Variants in SLC35F1 observed in about 807,000 individuals in gnomAD.
The protein encoded by SLC35F1 is chromosome 6 open reading frame 169.
A neutral mutation model predicts 48.7 loss-of-function variants in SLC35F1; 14 were observed. The observed-to-expected ratio is 0.29, with a 90% CI of 0.19 to 0.45. The LOEUF is 0.45. SLC35F1 is among the 20% of genes least tolerant of loss of function. SLC35F1 has a pLI of 1.00. For missense variants in SLC35F1, 404 were observed against 500.0 expected, an observed-to-expected ratio of 0.81 and a Z score of 1.83; for synonymous variants, 190 against 202.2, an observed-to-expected ratio of 0.94 and a Z score of 0.51.
intron 1 of SLC35F1, among the ~76,000 whole-genome samples, chr6:117,967,469 C>T (rs910074021): frequency 3.3e-5 from 5 of 152,136 alleles, no homozygotes; most frequent in African/African-American, 9.7e-5. Flanking sequence ...TTCCTACTGA[C>T]GCTTGTGTCC....
intron 1 of SLC35F1, among the ~76,000 whole-genome samples, chr6:118,138,192 C>A (rs1480044853): frequency 6.6e-6 from 1 of 151,858 alleles, no homozygotes; most frequent in Non-Finnish European, 1.5e-5. Context: ...GCCTGTAGTC[C>A]CACCTACTCA....
rs1237564305 is a variant in SLC35F1, at chr6:118,088,101, AC to A, written c.174-66343del. Among the ~76,000 whole-genome samples the A allele has an allele frequency of 3.9e-5, 6 of 152,210 alleles. No homozygotes were observed. The East Asian group carries it at 1.2e-3, about 29-fold the overall frequency. On this transcript the variant is annotated intron_variant, in intron 1 of 7. Transcript: ENST00000360388. ...TAATCACTGAGTTACTTTAATAGTTACTTTTAATGGTTACTTTAATAGTTAC... is the reference window on the plus strand; with the variant it reads ...TAATCACTGAGTTACTTTAATAGTTATTTTAATGGTTACTTTAATAGTTAC...
At chr6:118,141,580 T>C (rs1739473291) in intron 1 of SLC35F1, among the ~76,000 whole-genome samples, 2 of 152,264 alleles carry the variant, frequency 1.3e-5, no homozygotes, top group Middle Eastern at 3.4e-3. Context: ...CCCTTCCTGG[T>C]TGCAGACTGC....
intron 1 of SLC35F1, among the ~76,000 whole-genome samples, chr6:118,065,255 A>C (rs1772596136): frequency 6.6e-6 from 1 of 152,208 alleles, no homozygotes; most frequent in African/African-American, 2.4e-5. Context: ...ACATGAACTC[A>C]TATCCAATAA....
intron 1 of SLC35F1, among the ~76,000 whole-genome samples, chr6:117,973,158 G>T (rs1404540533): frequency 1.3e-5 from 2 of 152,184 alleles, no homozygotes; most frequent in Non-Finnish European, 2.9e-5. Context: ...TCCTTGGCTT[G>T]CAGATGGCCA....
chr6:117,977,189 T>TTTTC (rs1776716002), intron 1 of SLC35F1, among the ~76,000 whole-genome samples: 1 of 149,972 alleles, frequency 6.7e-6, no homozygotes, highest in South Asian at 2.1e-4. Flanking sequence ...TTCTTTTTCT[T>TTTTC]TTTCTTTCTT....
chr6:118,071,560 TCTTTCTTTTCCCC>T (rs1342836108), intron 1 of SLC35F1, among the ~76,000 whole-genome samples: 1 of 152,094 alleles, frequency 6.6e-6, no homozygotes, highest in African/African-American at 2.4e-5. Context: ...GACTCTTTTA[TCTTTCTTTTCCCC>T]TTGTGTGGTT....
chr6:118,015,170 G>A (rs998110026), intron 1 of SLC35F1, among the ~76,000 whole-genome samples: 1 of 152,168 alleles, frequency 6.6e-6, no homozygotes, highest in Non-Finnish European at 1.5e-5. Flanking sequence ...ATGTGGAACT[G>A]TGAGTTCATT....
At chr6:118,263,278 A>G (rs796076933) in intron 3 of SLC35F1, among the ~76,000 whole-genome samples, 12 of 151,602 alleles carry the variant, frequency 7.9e-5, no homozygotes, top group African/African-American at 2.9e-4. Context: ...CTGGTCTCGA[A>G]CTCCTGACCT....
At chr6:117,977,910 C>T (rs1776725493) in intron 1 of SLC35F1, among the ~76,000 whole-genome samples, 1 of 151,706 alleles carries the variant, frequency 6.6e-6, no homozygotes, top group Non-Finnish European at 1.5e-5. Flanking sequence ...TAATGGATTT[C>T]CAGAAGAAAC....
intron 1 of SLC35F1, among the ~76,000 whole-genome samples, chr6:118,006,262 T>C (rs1777173366): frequency 6.6e-6 from 1 of 152,108 alleles, no homozygotes; most frequent in Non-Finnish European, 1.5e-5. Flanking sequence ...ACTACAAATG[T>C]CTGAAAAAAT....
intron 7 of SLC35F1, among the ~76,000 whole-genome samples, chr6:118,297,775 T>C (rs1776210337): frequency 1.5e-5 from 2 of 133,288 alleles, no homozygotes; most frequent in East Asian, 4.1e-4. Flanking sequence ...AATATATATA[T>C]ATACACACAT....
intron 2 of SLC35F1, among the ~76,000 whole-genome samples, chr6:118,196,328 A>G (rs1774800337): frequency 6.6e-6 from 1 of 152,216 alleles, no homozygotes; most frequent in African/African-American, 2.4e-5. Flanking sequence ...ATTTGAATAT[A>G]GACGTACAGT....
intron 1 of SLC35F1, among the ~76,000 whole-genome samples, chr6:117,975,057 A>AC (rs1402010326): frequency 2.0e-5 from 3 of 152,220 alleles, no homozygotes; most frequent in African/African-American, 7.2e-5. Context: ...TTGGAGAGCC[A>AC]CTGATGTAAG....
At chr6:118,250,450 A>G (rs1176705832) in intron 3 of SLC35F1, among the ~76,000 whole-genome samples, 3 of 152,228 alleles carry the variant, frequency 2.0e-5, no homozygotes, top group African/African-American at 7.2e-5. Context: ...TGCAGAAGAT[A>G]AAACTGAGCA....
intron 1 of SLC35F1, among the ~76,000 whole-genome samples, chr6:118,013,755 C>T (rs1240558787): frequency 6.6e-6 from 1 of 152,014 alleles, no homozygotes; most frequent in Non-Finnish European, 1.5e-5. Flanking sequence ...TTTTAGCATG[C>T]TCTAGTCATA....
intron 1 of SLC35F1, among the ~76,000 whole-genome samples, chr6:118,105,258 T>C (rs11967448): frequency 6.6e-6 from 1 of 152,118 alleles, no homozygotes; most frequent in South Asian, 2.1e-4. Context: ...TGGTAATTGG[T>C]TCACAAGCCT....
At chr6:118,233,053 C>G (rs1775315875) in intron 2 of SLC35F1, among the ~76,000 whole-genome samples, 1 of 152,062 alleles carries the variant, frequency 6.6e-6, no homozygotes, top group Non-Finnish European at 1.5e-5. Flanking sequence ...GCAACCTCCG[C>G]CTCCTGGGTT....
intron 2 of SLC35F1, among the ~76,000 whole-genome samples, chr6:118,157,418 C>T (rs544444577): frequency 1.1e-4 from 16 of 152,202 alleles, no homozygotes; most frequent in African/African-American, 3.9e-4. Context: ...AGCCGCAGGA[C>T]TAATAGGATA....
Sources: gnomAD v4.1 joint callset for allele counts (sites outside exome capture counted in the v4.1 genomes callset) on GRCh38, gnomAD v4.1.1 for gene constraint, MANE v1.5 for transcripts, NCBI Gene and HGNC (gene_info 2026-07-23, HGNC 2026-07-21) for gene names.